Variants in SP140 observed in about 807,000 individuals in gnomAD.
SP140 encodes nuclear body protein SP140.
SP140 carries 81 observed loss-of-function variants against 125.0 expected under a neutral mutation model. That is an observed-to-expected ratio of 0.65 (90% CI 0.54 to 0.78). The LOEUF is 0.78. SP140 is among the 30% of genes least tolerant of loss of function. SP140 has a pLI of 0.00. For missense variants in SP140, 858 were observed against 1,037.0 expected, an observed-to-expected ratio of 0.83 and a Z score of 2.37; for synonymous variants, 312 against 354.0, an observed-to-expected ratio of 0.88 and a Z score of 1.33.
intron 2 of SP140, among the ~76,000 whole-genome samples, 191 bp from the exon 3 acceptor site, chr2:230,238,022 T>A (rs2048223151): frequency 1.3e-5 from 2 of 152,210 alleles, no homozygotes; most frequent in Non-Finnish European, 2.9e-5. Flanking sequence ...CCCTTAAGTG[T>A]ACAACAATGT....
intron 22 of SP140, among the ~76,000 whole-genome samples, chr2:230,299,740 C>T (rs182373743): frequency 4.5e-4 from 68 of 152,202 alleles, no homozygotes; most frequent in Non-Finnish European, 8.1e-4. Context: ...CAAAGGATGC[C>T]TGGATATAAA....
At chr2:230,213,048 C>T (rs2044669779) in intron 1 of SP140, 1 of 1,612,708 alleles carries the variant, frequency 6.2e-7, no homozygotes, top group Admixed American at 1.7e-5. Context: ...TGAAGGGACA[C>T]ACATCAGTAC....
At chr2:230,251,922 C>A (rs996598714) in intron 10 of SP140, among the ~76,000 whole-genome samples, 5 of 151,986 alleles carry the variant, frequency 3.3e-5, no homozygotes, top group African/African-American at 4.8e-5. Flanking sequence ...GAGGGAAATG[C>A]GGAGACCAGT....
rs760863159 is a variant in SP140, at chr2:230,225,824, G to A, written c.-21G>A. The A allele has an allele frequency of 6.2e-7, 1 of 1,611,946 alleles. No individual in the cohort carries two copies. Among genetic ancestry groups the A allele is most frequent in the Non-Finnish European group, 8.5e-7 (1 of 1,178,018 alleles). The stretch of plus-strand genomic sequence containing the variant: ...AACGGGGCAGTGAAAATCGAATCGG[G>A]TGTGATCCTAGGCCAAGCTCATGGC... On this transcript the variant is annotated 5_prime_UTR_variant, in exon 1 of 27. It adds an upstream start codon to the 5' untranslated region. Transcript: ENST00000392045.
upstream of SP140, chr2:230,203,016 T>G: frequency 2.3e-6 from 1 of 440,314 alleles, no homozygotes; most frequent in Non-Finnish European, 4.2e-6. Context: ...TGATTTTCGT[T>G]TGTGTCGGCC....
chr2:230,270,657 T>G lies in SP140; in HGVS notation c.1498+18T>G. On this transcript the variant is annotated intron_variant, in intron 15 of 26. Coordinates refer to ENST00000392045, the MANE Select transcript of SP140 (RefSeq NM_007237.5). ...GAAAAGAAGTAAGAATAAATAAGAA[T>G]TTATTTGCTTTTGGTATTACAAATA... 6.3e-7 allele frequency: 1 copy of G among 1,587,348 alleles called. No homozygotes were observed.
intron 3 of SP140, among the ~76,000 whole-genome samples, chr2:230,215,992 T>C (rs2045125376): frequency 6.6e-6 from 1 of 152,122 alleles, no homozygotes; most frequent in Non-Finnish European, 1.5e-5. Flanking sequence ...TAAGGGAAGA[T>C]TATTGGCACT....
At chr2:230,222,789 C>A (rs2045928008), upstream of SP140, among the ~76,000 whole-genome samples, 1 of 150,442 alleles carries the variant, frequency 6.6e-6, no homozygotes, top group African/African-American at 2.4e-5. Flanking sequence ...CAGCACCAGG[C>A]AACCACTGAT....
At chr2:230,307,986 T>TAC (rs2058955892) in intron 22 of SP140, among the ~76,000 whole-genome samples, 1 of 85,620 alleles carries the variant, frequency 1.2e-5, no homozygotes, top group Non-Finnish European at 2.3e-5. Context: ...TATATATATA[T>TAC]ATATACACAC....
At chr2:230,254,582 A>C (rs953263176) in intron 11 of SP140, among the ~76,000 whole-genome samples, 1 of 152,244 alleles carries the variant, frequency 6.6e-6, no homozygotes. Context: ...CCCTGAACTT[A>C]GAAACTCCTC....
intron 3 of SP140, among the ~76,000 whole-genome samples, chr2:230,216,163 G>C (rs561243836): frequency 6.6e-6 from 1 of 152,204 alleles, no homozygotes; most frequent in Non-Finnish European, 1.5e-5. Context: ...TGCCTGTAGT[G>C]AGTTGAATGT....
In SP140 at chr2:230,211,278, A is replaced by G. The variant is rs1258814336; in HGVS notation, c.-322-2376A>G. On this transcript the variant is annotated intron_variant, in intron 1 of 4. Coordinates refer to the SP140 transcript ENST00000456542. This position sits in a 1 kb window ranked among gnomAD's most constrained non-coding sequence, Gnocchi z 4.2. ...AGACTTGCCTCCTTTGCCCTCCCCC[A>G]GGGACTCTGTATCCATTCAGAGGTC... Among the ~76,000 whole-genome samples, 1 of 152,076 alleles carries G rather than the reference A, an allele frequency of 6.6e-6. No individual in the cohort carries two copies. The highest frequency in any genetic ancestry group is 1.9e-4 in the East Asian group (1 of 5,178).
Position 230,292,689 on chromosome 2 carries a change from C to G in SP140, c.1869C>G (p.Phe623Leu). 1.2e-6 allele frequency: 2 copies of G among 1,614,182 alleles called. No individual in the cohort carries two copies. Among genetic ancestry groups the G allele is most frequent in the East Asian group, 4.5e-5 (2 of 44,874 alleles). Residue 623 changes from phenylalanine (F) to leucine (L), a missense_variant, in exon 20 of 27, where the codon TTC (phenylalanine) becomes TTG (leucine). Phe to Leu is a conservative substitution (Grantham distance 22, BLOSUM62 0). Around this residue, in one of 4 missense-constraint regions of SP140, gnomAD observed 791 missense variants for 869.5 expected, o/e 0.91. Coordinates refer to ENST00000392045, the MANE Select transcript of SP140 (RefSeq NM_007237.5). ...KCIQTEDGKW[F>L]TPTEFEIKGG... ...TACAGACTGAGGATGGAAAATGGTT[C>G]ACCCCCACGGAATTTGAAATCAAAG...
chr2:230,222,500 C>G (rs1183867471), upstream of SP140, among the ~76,000 whole-genome samples: 2 of 152,128 alleles, frequency 1.3e-5, no homozygotes, highest in African/African-American at 4.8e-5. Context: ...AGGAGGATCG[C>G]TTGAGCCCAG....
At chr2:230,253,799 A>G (rs375147829) in intron 11 of SP140, among the ~76,000 whole-genome samples, 5 of 152,226 alleles carry the variant, frequency 3.3e-5, no homozygotes, top group African/African-American at 1.2e-4. Context: ...TATCAGGAAC[A>G]CAGACGTAAG....
chr2:230,312,493 TTTA>T, intron 26 of SP140, 90 bp from the exon 27 acceptor site: 2 of 816,766 alleles, frequency 2.4e-6, no homozygotes, highest in Non-Finnish European at 3.9e-6. Context: ...TACTTTTTTT[TTTA>T]AAGACAAGAG....
At chr2:230,228,890 A>T (rs538627294) in intron 1 of SP140, among the ~76,000 whole-genome samples, 4 of 152,294 alleles carry the variant, frequency 2.6e-5, no homozygotes, top group South Asian at 4.1e-4. Flanking sequence ...CATTGGCATT[A>T]AAGTGATTAT....
At chr2:230,294,161 A>G in intron 20 of SP140, 110 bp from the exon 21 acceptor site, 1 of 808,584 alleles carries the variant, frequency 1.2e-6, no homozygotes, top group East Asian at 2.6e-5. Flanking sequence ...CTTGGATTTG[A>G]GCTGGCAGTG....
chr2:230,276,041 A>G (rs982366241), intron 15 of SP140, among the ~76,000 whole-genome samples: 2 of 152,210 alleles, frequency 1.3e-5, no homozygotes, highest in Non-Finnish European at 2.9e-5. Flanking sequence ...AAGCTGTCTC[A>G]TAACATTAAA....
Sources: gnomAD v4.1 joint callset for allele counts (sites outside exome capture counted in the v4.1 genomes callset) on GRCh38, gnomAD v4.1.1 for gene constraint, gnomAD v4.1.1 regional missense constraint, Gnocchi (gnomAD v3.1) non-coding constraint, MANE v1.5 for transcripts, NCBI Gene and HGNC (gene_info 2026-07-23, HGNC 2026-07-21) for gene names.